Variants in CDH18 observed in about 807,000 individuals in gnomAD.
CDH18 encodes cadherin-18.
CDH18 carries 31 observed loss-of-function variants against 67.9 expected under a neutral mutation model. That is an observed-to-expected ratio of 0.46 (90% confidence interval 0.34 to 0.62). The LOEUF (loss-of-function observed/expected upper bound fraction) is 0.62. Among genes scored for constraint, CDH18 ranks in the 20% least tolerant of loss-of-function variants. CDH18 has a pLI of 0.01. For synonymous variants in CDH18, 362 were observed against 347.2 expected, an observed-to-expected ratio of 1.04 and a Z score of -0.48; for missense variants, 890 against 975.5, an observed-to-expected ratio of 0.91 and a Z score of 1.17.
intron 1 of CDH18, among the ~76,000 whole-genome samples, chr5:20,312,207 G>A (rs1202186770): frequency 2.6e-5 from 4 of 152,160 alleles, no homozygotes; most frequent in African/African-American, 9.7e-5. Context: ...TGTATGATGA[G>A]CAGGATACAA....
intron 1 of CDH18, among the ~76,000 whole-genome samples, chr5:20,501,569 A>ATTATAT (rs1491455085): frequency 1.2e-4 from 2 of 16,188 alleles, no homozygotes; most frequent in African/African-American, 2.9e-4. Context: ...ATATATATAT[A>ATTATAT]ATATATATAT....
intron 2 of CDH18, among the ~76,000 whole-genome samples, chr5:20,065,994 T>C (rs1742948221): frequency 6.6e-6 from 1 of 152,054 alleles, no homozygotes; most frequent in South Asian, 2.1e-4. Context: ...CTATTTTTAT[T>C]GATGACATTT....
intron 2 of CDH18, among the ~76,000 whole-genome samples, chr5:20,191,841 T>C (rs1246615999): frequency 6.6e-6 from 1 of 152,148 alleles, no homozygotes; most frequent in Non-Finnish European, 1.5e-5. Context: ...GTCTTTACAG[T>C]AGAATGATGT....
At chr5:20,191,876 T>C (rs982969586) in intron 2 of CDH18, among the ~76,000 whole-genome samples, 3 of 152,168 alleles carry the variant, frequency 2.0e-5, no homozygotes, top group African/African-American at 7.2e-5. Flanking sequence ...ATATATCCAG[T>C]AATGGGATTG....
rs547210822 is a variant in CDH18 at position 19,663,080 on chromosome 5, T to C, written c.644-50479A>G. On this transcript the variant is annotated intron_variant, in intron 5 of 12. Transcript: ENST00000382275. ...GTACTCATTTAACAACGTTCTTTTT[T>C]CCCCAAATATTTACATATTACAATA... Among the ~76,000 whole-genome samples, 16 of 152,046 alleles carry C rather than the reference T, an allele frequency of 1.1e-4. No individual in the cohort carries two copies. The East Asian group carries it at 2.5e-3, about 24-fold the overall frequency.
intron 12 of CDH18, among the ~76,000 whole-genome samples, chr5:19,475,179 G>C (rs1456653941): frequency 6.7e-6 from 1 of 149,824 alleles, no homozygotes; most frequent in African/African-American, 2.4e-5. Flanking sequence ...ACGTGAATTT[G>C]AGATCAATAA....
At chr5:20,408,415 G>A (rs143231373) in intron 1 of CDH18, among the ~76,000 whole-genome samples, 245 of 151,806 alleles carry the variant, frequency 1.6e-3, no homozygotes, top group African/African-American at 5.3e-3. Flanking sequence ...TATATAAGAG[G>A]TAAAATAAAA....
At chr5:19,759,757 G>A (rs543785470) in intron 3 of CDH18, among the ~76,000 whole-genome samples, 1 of 152,098 alleles carries the variant, frequency 6.6e-6, no homozygotes, top group Non-Finnish European at 1.5e-5. Flanking sequence ...CTTGGGGAAG[G>A]AGGGGAAAAA....
chr5:19,936,463 A>G (rs965190263), intron 2 of CDH18, among the ~76,000 whole-genome samples: 10 of 151,254 alleles, frequency 6.6e-5, no homozygotes, highest in African/African-American at 2.4e-4. Flanking sequence ...ACTGTATACC[A>G]TGAATTTAAA....
At chr5:20,412,362 T>C (rs1051943909) in intron 1 of CDH18, among the ~76,000 whole-genome samples, 1 of 152,084 alleles carries the variant, frequency 6.6e-6, no homozygotes, top group Non-Finnish European at 1.5e-5. Context: ...TAAACCAAAA[T>C]TAACTCAAGA....
chr5:20,529,960 C>G lies in CDH18; in HGVS notation c.-580+45502G>C, dbSNP rs148355308. Among the ~76,000 whole-genome samples the G allele has an allele frequency of 2.6e-5, 4 of 152,096 alleles. No homozygotes were observed. In the East Asian group the frequency reaches 7.8e-4, roughly 29 times the overall value. On this transcript the variant is annotated intron_variant, in intron 1 of 14. Transcript: ENST00000507958. ...GAGGCGGTCAAATTGTCTTTGTTTG[C>G]AGATGACATGATCCTCTATCTAGAA...
chr5:20,041,559 G>T (rs1740423781), intron 2 of CDH18, among the ~76,000 whole-genome samples: 1 of 152,152 alleles, frequency 6.6e-6, no homozygotes. Flanking sequence ...TATGCAAGCT[G>T]CTTGGCTTAT....
chr5:19,999,792 A>G (rs1250519000), intron 2 of CDH18, among the ~76,000 whole-genome samples: 3 of 152,194 alleles, frequency 2.0e-5, no homozygotes, highest in Non-Finnish European at 2.9e-5. Flanking sequence ...AATACCAAGC[A>G]TGAGGCCAAT....
chr5:20,149,623 C>A (rs1750941761), intron 2 of CDH18, among the ~76,000 whole-genome samples: 1 of 152,158 alleles, frequency 6.6e-6, no homozygotes, highest in South Asian at 2.1e-4. Context: ...AAAATCCCCT[C>A]AGATAGCCTT....
intron 1 of CDH18, among the ~76,000 whole-genome samples, chr5:20,315,681 T>C: frequency 6.6e-6 from 1 of 152,134 alleles, no homozygotes; most frequent in East Asian, 1.9e-4. Context: ...TTGCAATTAG[T>C]TCACTGTGCT....
At chr5:20,207,407 A>G (rs949286865) in intron 2 of CDH18, among the ~76,000 whole-genome samples, 10 of 152,060 alleles carry the variant, frequency 6.6e-5, no homozygotes, top group African/African-American at 1.9e-4. Context: ...TAATACCTGT[A>G]TTAGTCCATT....
chr5:20,131,857 T>C (rs1172966029), intron 2 of CDH18, among the ~76,000 whole-genome samples: 2 of 152,140 alleles, frequency 1.3e-5, no homozygotes, highest in Admixed American at 1.3e-4. Flanking sequence ...GCTTCACATA[T>C]AGCTTTACAA....
At chr5:19,808,529 AAT>A (rs1778277610) in intron 3 of CDH18, among the ~76,000 whole-genome samples, 2 of 152,132 alleles carry the variant, frequency 1.3e-5, no homozygotes, top group South Asian at 4.1e-4. Context: ...TACCTGTTGA[AAT>A]ACATCAGTCT....
At chr5:19,959,409 T>C (rs920014395) in intron 2 of CDH18, among the ~76,000 whole-genome samples, 1 of 152,038 alleles carries the variant, frequency 6.6e-6, no homozygotes, top group African/African-American at 2.4e-5. Flanking sequence ...ATTAAAATAG[T>C]TTTCAAATAC....
Sources: allele counts gnomAD v4.1 joint callset (sites outside exome capture counted in the v4.1 genomes callset), GRCh38; gene constraint gnomAD v4.1.1; transcripts MANE v1.5; gene names NCBI Gene and HGNC (gene_info 2026-07-23, HGNC 2026-07-21).